ADAMTS2: variants seen among roughly 807,000 people sequenced by gnomAD.
ADAMTS2 encodes A disintegrin and metalloproteinase with thrombospondin motifs 2.
Under a neutral mutation model 123.0 loss-of-function variants are expected in ADAMTS2, and 50 were observed. That is an observed-to-expected ratio of 0.41 (90% CI 0.32 to 0.51). The LOEUF is 0.51. Ranked by LOEUF, ADAMTS2 falls within the 20% of genes least tolerant of loss-of-function variation. The pLI is 0.35. For synonymous variants in ADAMTS2, 678 were observed against 695.4 expected, an observed-to-expected ratio of 0.98 and a Z score of 0.39; for missense variants, 1,494 against 1,705.2, an observed-to-expected ratio of 0.88 and a Z score of 2.18.
At chr5:179,223,300 G>A (rs1041005880) in intron 3 of ADAMTS2, among the ~76,000 whole-genome samples, 7 of 142,782 alleles carry the variant, frequency 4.9e-5, no homozygotes, top group African/African-American at 1.8e-4. Context: ...ACACACGAAC[G>A]CACTCACATA....
intron 3 of ADAMTS2, among the ~76,000 whole-genome samples, chr5:179,235,488 C>T (rs1765502524): frequency 6.6e-6 from 1 of 152,176 alleles, no homozygotes; most frequent in African/African-American, 2.4e-5. Flanking sequence ...CAGAGGGACC[C>T]CAAATCGAAT....
chr5:179,324,199 A>G (rs779873091), intron 2 of ADAMTS2, among the ~76,000 whole-genome samples: 2 of 152,222 alleles, frequency 1.3e-5, no homozygotes, highest in Non-Finnish European at 2.9e-5. Flanking sequence ...AGTCTTGAAC[A>G]TGATCTAAAA....
intron 2 of ADAMTS2, among the ~76,000 whole-genome samples, chr5:179,288,198 A>C (rs958581072): frequency 1.3e-5 from 2 of 151,498 alleles, no homozygotes; most frequent in African/African-American, 2.4e-5. Flanking sequence ...GCACTGCCTC[A>C]CTCCTGCTTC....
rs938383843 is a variant in ADAMTS2 at position 179,262,728 on chromosome 5, T to G, written c.688+10183A>C. ...TCTCACGCTGCCCTTTCACCCCGTT[T>G]TACTTTGTTCACAGGATTCTCCACT... On this transcript the variant is annotated intron_variant, in intron 3 of 21. Transcript: ENST00000251582. This position sits in a 1 kb window ranked among gnomAD's most constrained non-coding sequence, Gnocchi z 5.9. 6.6e-6 allele frequency among the ~76,000 whole-genome samples: 1 copy of G among 152,206 alleles called. No homozygotes were observed. Among genetic ancestry groups the G allele is most frequent in the Admixed American group, 6.5e-5 (1 of 15,284 alleles).
At chr5:179,241,027 C>T (rs1178745880) in intron 3 of ADAMTS2, among the ~76,000 whole-genome samples, 1 of 152,162 alleles carries the variant, frequency 6.6e-6, no homozygotes, top group Non-Finnish European at 1.5e-5. Flanking sequence ...AGTTTAATGG[C>T]AGGAGTGAGC....
At chr5:179,292,511 G>A (rs1020730611) in intron 2 of ADAMTS2, among the ~76,000 whole-genome samples, 5 of 151,948 alleles carry the variant, frequency 3.3e-5, no homozygotes, top group African/African-American at 1.2e-4. Flanking sequence ...AATCTTCCTT[G>A]ATACATCTTG....
At chr5:179,284,095 A>G (rs1755929542) in intron 2 of ADAMTS2, among the ~76,000 whole-genome samples, 1 of 151,338 alleles carries the variant, frequency 6.6e-6, no homozygotes, top group Non-Finnish European at 1.5e-5. Context: ...CTTTGGGAGG[A>G]CGAGGCGAAT....
chr5:179,220,697 C>T (rs980128956), intron 3 of ADAMTS2, among the ~76,000 whole-genome samples: 1 of 152,178 alleles, frequency 6.6e-6, no homozygotes, highest in African/African-American at 2.4e-5. Flanking sequence ...GCTCCTGACT[C>T]CAGCAGCATC....
In ADAMTS2 at chr5:179,170,334, T is replaced by G. The variant is rs73807268; in HGVS notation, c.975+10738A>C. On this transcript the variant is annotated intron_variant, in intron 5 of 21. Transcript: ENST00000251582. This position sits in a 1 kb window ranked among gnomAD's most constrained non-coding sequence, Gnocchi z 4.3. ...TGGGATGAATAACAGGAACCGAGTA[T>G]CTGGGCCACTTTCTGCCCAAGTCTG... Among the ~76,000 whole-genome samples, 5,610 of 152,160 alleles carry G rather than the reference T, an allele frequency of 0.037. 334 individuals carry two copies. The highest frequency in any genetic ancestry group is 0.13 in the African/African-American group (5,311 of 41,472).
Position 179,118,343 on chromosome 5 carries a change from A to T in ADAMTS2, c.3178+3318T>A, listed in dbSNP as rs561323354. 2.2e-4 allele frequency among the ~76,000 whole-genome samples: 33 copies of T among 152,146 alleles called. 1 individual carries two copies. In the South Asian group the frequency reaches 6.4e-3, roughly 30 times the overall value. On this transcript the variant is annotated intron_variant, in intron 21 of 21. Transcript: ENST00000251582. This position sits in a 1 kb window ranked among gnomAD's most constrained non-coding sequence, Gnocchi z 4.5. ...GAAGAGTGATGCACCTGAGGTAATGACTGGCGATGCCTCTCCGCCAAGATG... is the reference window on the plus strand; with the variant it reads ...GAAGAGTGATGCACCTGAGGTAATGTCTGGCGATGCCTCTCCGCCAAGATG...
intron 3 of ADAMTS2, among the ~76,000 whole-genome samples, chr5:179,230,517 G>A (rs1408727009): frequency 3.1e-5 from 3 of 97,642 alleles, no homozygotes; most frequent in Non-Finnish European, 2.1e-5. Flanking sequence ...TGTGCACACA[G>A]GCACACAGAG....
intron 19 of ADAMTS2, among the ~76,000 whole-genome samples, chr5:179,123,274 G>A (rs1762793924): frequency 6.6e-6 from 1 of 152,228 alleles, no homozygotes. Flanking sequence ...CCAGGGAGGT[G>A]CCAGAAGGAG....
Position 179,128,018 on chromosome 5 carries a change from G to C in ADAMTS2, c.2558C>G (p.Ser853Cys), listed in dbSNP as rs1057521585. The change falls in exon 17 of 22, where the codon TCT becomes TGT. Residue 853 changes from serine to cysteine, a missense_variant. Ser to Cys is a moderately radical substitution (Grantham distance 112). Transcript: ENST00000251582. The surrounding 1 kb of genome is among the most constrained non-coding windows in gnomAD (Gnocchi z 4.9). ...CTTCAGGGCCCACTCGTAGACCACA[G>C]AGTCCTCTTCCAGGACGTTGTTGTC... ...VDDNNVLEED[S>C]VVYEWALKKW... The C allele has an allele frequency of 2.0e-5, 33 of 1,613,970 alleles. No individual in the cohort carries two copies. Among genetic ancestry groups the C allele is most frequent in the Non-Finnish European group, 2.6e-5 (31 of 1,180,042 alleles).
At chr5:179,226,297 G>A (rs1328775496) in intron 3 of ADAMTS2, among the ~76,000 whole-genome samples, 2 of 139,648 alleles carry the variant, frequency 1.4e-5, no homozygotes. Context: ...TTGAGACAGA[G>A]TCTCTGTCAC....
intron 7 of ADAMTS2, 118 bp downstream of exon 7, chr5:179,154,696 C>A (rs1763434600): frequency 1.2e-6 from 1 of 837,526 alleles, no homozygotes. Context: ...GGAGACCACA[C>A]CCCAAGTGGC....
chr5:179,167,649 G>A (rs1763733713), intron 5 of ADAMTS2, among the ~76,000 whole-genome samples: 1 of 152,190 alleles, frequency 6.6e-6, no homozygotes, highest in Non-Finnish European at 1.5e-5. Flanking sequence ...AGGCCGCCAC[G>A]CGACCGAGGC....
At chr5:179,290,677 A>G (rs540172227) in intron 2 of ADAMTS2, among the ~76,000 whole-genome samples, 33 of 152,328 alleles carry the variant, frequency 2.2e-4, no homozygotes, top group Non-Finnish European at 4.3e-4. Context: ...AAACACATAA[A>G]AATAAAACTG....
chr5:179,227,499 G>A (rs1251929091), intron 3 of ADAMTS2, among the ~76,000 whole-genome samples: 2 of 152,178 alleles, frequency 1.3e-5, no homozygotes, highest in African/African-American at 2.4e-5. Context: ...TCTGGGTGCT[G>A]GCACGGCAGT....
rs1757897251 is a variant in ADAMTS2 at position 179,344,917 on chromosome 5, CCG to C, written c.139+271_139+272del. ...GCTGGGGCTGACTCTGCGCTCTTGGCCGCGGGGCTTTTCCCGGCCCTCCGTCC... is the reference window on the plus strand; with the variant it reads ...GCTGGGGCTGACTCTGCGCTCTTGGCCGGGGCTTTTCCCGGCCCTCCGTCC... On this transcript the variant is annotated intron_variant, in intron 1 of 21. Coordinates refer to ENST00000251582, the MANE Select transcript of ADAMTS2 (RefSeq NM_014244.5). Among the ~76,000 whole-genome samples, 3 of 152,284 alleles carry C rather than the reference CCG, an allele frequency of 2.0e-5. No individual in the cohort carries two copies. The South Asian group carries it at 6.2e-4, about 32-fold the overall frequency.
Sources: allele counts gnomAD v4.1 joint callset (sites outside exome capture counted in the v4.1 genomes callset), GRCh38; gene constraint gnomAD v4.1.1; non-coding constraint Gnocchi (gnomAD v3.1); transcripts MANE v1.5; gene names NCBI Gene and HGNC (gene_info 2026-07-23, HGNC 2026-07-21).